EYA4: variants seen among roughly 807,000 people sequenced by gnomAD.
The protein encoded by EYA4 is protein phosphatase EYA4.
Under a neutral mutation model 87.9 loss-of-function variants are expected in EYA4, and 31 were observed. That is an observed-to-expected ratio of 0.35 (90% CI 0.27 to 0.48). The LOEUF is 0.48. Ranked by LOEUF, EYA4 falls within the 20% of genes least tolerant of loss-of-function variation. The pLI is 0.99. For missense variants in EYA4, 678 were observed against 761.4 expected (o/e 0.89, Z 1.29); for synonymous variants, 263 against 270.6 (o/e 0.97, Z 0.28).
At chr6:133,243,594 G>C (rs1279673148) in intron 1 of EYA4, among the ~76,000 whole-genome samples, 1 of 151,482 alleles carries the variant, frequency 6.6e-6, no homozygotes, top group Non-Finnish European at 1.5e-5. Flanking sequence ...AAACCTTAGG[G>C]AAGGGATTGT....
intron 1 of EYA4, among the ~76,000 whole-genome samples, chr6:133,274,472 A>G (rs546713471): frequency 1.3e-5 from 2 of 152,300 alleles, no homozygotes; most frequent in African/African-American, 4.8e-5. Flanking sequence ...AGTGCAGACT[A>G]TGGATATTTT....
At chr6:133,244,092 A>G (rs1774206729) in intron 1 of EYA4, among the ~76,000 whole-genome samples, 1 of 152,210 alleles carries the variant, frequency 6.6e-6, no homozygotes, top group Non-Finnish European at 1.5e-5. Flanking sequence ...TTTGTTGAAA[A>G]TGTCTCCTTT....
rs1036773225 is a variant in EYA4, at chr6:133,382,794, C to A, written c.83+353C>A. ...TGAATAACTGTCAAATCTGTGTTTA[C>A]AAAAAAAAAAAAAAAACTATGATAT... On this transcript the variant is annotated intron_variant, in intron 3 of 19. Coordinates refer to ENST00000355286, the MANE Select transcript of EYA4 (RefSeq NM_004100.5). Among the ~76,000 whole-genome samples, 702 of 130,136 alleles carry A rather than the reference C, an allele frequency of 5.4e-3. 1 individual carries two copies. The highest frequency in any genetic ancestry group is 8.9e-3 in the East Asian group (41 of 4,592). The allele number at this position is 130,136 out of a possible 152,430, so 85.4% of individuals were successfully genotyped here.
chr6:133,277,642 C>CTCT, intron 2 of EYA4, among the ~76,000 whole-genome samples: 1 of 152,252 alleles, frequency 6.6e-6, no homozygotes, highest in African/African-American at 2.4e-5. Flanking sequence ...AGCTACTGAC[C>CTCT]AGACATCCCT....
chr6:133,458,015 G>A (rs1380954749), intron 6 of EYA4, among the ~76,000 whole-genome samples: 3 of 152,090 alleles, frequency 2.0e-5, no homozygotes, highest in African/African-American at 7.2e-5. Context: ...CTGGTCAGTG[G>A]TATAAACAAA....
intron 1 of EYA4, among the ~76,000 whole-genome samples, chr6:133,260,491 G>A (rs1012621526): frequency 6.6e-6 from 1 of 152,138 alleles, no homozygotes; most frequent in Non-Finnish European, 1.5e-5. Flanking sequence ...GCCTGCCTGA[G>A]CCTCCCAATG....
intron 2 of EYA4, among the ~76,000 whole-genome samples, chr6:133,297,016 T>C (rs1202410760): frequency 1.3e-5 from 2 of 152,250 alleles, no homozygotes; most frequent in African/African-American, 4.8e-5. Context: ...TGATACTGGA[T>C]GCATGCACTA....
intron 3 of EYA4, among the ~76,000 whole-genome samples, chr6:133,417,180 G>A (rs531212760): frequency 6.6e-6 from 1 of 152,288 alleles, no homozygotes; most frequent in South Asian, 2.1e-4. Flanking sequence ...ATTTATTGAT[G>A]GGGTAATTAA....
At chr6:133,362,440 C>T (rs1438921303) in intron 2 of EYA4, among the ~76,000 whole-genome samples, 4 of 152,066 alleles carry the variant, frequency 2.6e-5, no homozygotes, top group African/African-American at 7.3e-5. Flanking sequence ...AAATTCTTAC[C>T]GTCACCCCTG....
chr6:133,359,138 A>G (rs1784284940), intron 2 of EYA4, among the ~76,000 whole-genome samples: 1 of 152,252 alleles, frequency 6.6e-6, no homozygotes, highest in Non-Finnish European at 1.5e-5. Flanking sequence ...TATAGTTTAT[A>G]AAACATATTT....
intron 17 of EYA4, among the ~76,000 whole-genome samples, chr6:133,518,066 C>G (rs1368115447): frequency 6.6e-6 from 1 of 152,070 alleles, no homozygotes; most frequent in East Asian, 1.9e-4. Flanking sequence ...ACAAGAGAGA[C>G]CAAATGTCAG....
At chr6:133,411,835 A>G (rs1789267727) in intron 3 of EYA4, among the ~76,000 whole-genome samples, 4 of 152,208 alleles carry the variant, frequency 2.6e-5, no homozygotes, top group Admixed American at 2.6e-4. Flanking sequence ...TGATTTTCTT[A>G]GAGTGAACTT....
chr6:133,338,847 TTC>T (rs1782572677), intron 2 of EYA4, among the ~76,000 whole-genome samples: 1 of 72,272 alleles, frequency 1.4e-5, no homozygotes, highest in Admixed American at 1.3e-4. Context: ...CACCAATTGC[TTC>T]TTTTTTTTTT....
At chr6:133,420,324 T>C (rs1790110636) in intron 3 of EYA4, among the ~76,000 whole-genome samples, 1 of 152,206 alleles carries the variant, frequency 6.6e-6, no homozygotes, top group Admixed American at 6.5e-5. Context: ...TTGTGTAAAA[T>C]GTAGGTTTTC....
chr6:133,320,482 T>G (rs1238941783), intron 2 of EYA4, among the ~76,000 whole-genome samples: 1 of 151,852 alleles, frequency 6.6e-6, no homozygotes, highest in Non-Finnish European at 1.5e-5. Flanking sequence ...TTTTACTTGT[T>G]TTTTTTTCTC....
At chr6:133,398,119 A>G (rs985204704) in intron 3 of EYA4, among the ~76,000 whole-genome samples, 1 of 152,160 alleles carries the variant, frequency 6.6e-6, no homozygotes, top group African/African-American at 2.4e-5. Flanking sequence ...AAAAAAGAAA[A>G]GGGGGGGAGG....
At chr6:133,334,883 A>G (rs778813219) in intron 2 of EYA4, among the ~76,000 whole-genome samples, 34 of 152,222 alleles carry the variant, frequency 2.2e-4, no homozygotes, top group Non-Finnish European at 3.5e-4. Flanking sequence ...TACTGCTGAA[A>G]TTTAAAAATC....
rs1469459420 is a variant in EYA4, at chr6:133,530,473, T to C, written c.*1668T>C. The C allele has an allele frequency of 8.1e-6, 8 of 985,836 alleles. No homozygotes were observed. In the East Asian group the frequency reaches 6.8e-4, roughly 84 times the overall value. The allele number at this position is 985,836 out of a possible 1,614,324, so 61.1% of individuals were successfully genotyped here. A position where few individuals can be genotyped will look rare whatever the true frequency, so the allele number is the denominator to read the frequency against. On this transcript the variant is annotated 3_prime_UTR_variant, in exon 20 of 20. Coordinates refer to ENST00000355286, the MANE Select transcript of EYA4 (RefSeq NM_004100.5). Reference sequence around the variant, plus strand: ...TTTATGGTGTCTGCACCTGCAGTTCTGTGTTTAAAATGTCATAATGTGGAT... The same window carrying C: ...TTTATGGTGTCTGCACCTGCAGTTCCGTGTTTAAAATGTCATAATGTGGAT...
intron 2 of EYA4, among the ~76,000 whole-genome samples, chr6:133,375,913 A>G (rs1341941675): frequency 3.9e-5 from 6 of 151,922 alleles, no homozygotes; most frequent in Non-Finnish European, 8.8e-5. Context: ...GCAATAATTT[A>G]CAACAATTTT....
Sources: allele counts gnomAD v4.1 joint callset (sites outside exome capture counted in the v4.1 genomes callset), GRCh38; gene constraint gnomAD v4.1.1; transcripts MANE v1.5; gene names NCBI Gene and HGNC (gene_info 2026-07-23, HGNC 2026-07-21).